The following HINT1 variants were observed in gnomAD, a reference collection of about 807,000 sequenced individuals.
HINT1 encodes adenosine 5'-monophosphoramidase HINT1.
Under a neutral mutation model 11.2 loss-of-function variants are expected in HINT1, and 12 were observed. The ratio of observed to expected loss-of-function variants is 1.07; its 90% CI spans 0.69 to 1.74. HINT1 has a LOEUF of 1.74. HINT1 is among the 40% of genes most tolerant of loss of function. The pLI is 0.00. For missense variants in HINT1, 150 were observed against 161.8 expected (o/e 0.93, Z 0.40); for synonymous variants, 42 against 52.6 (o/e 0.80, Z 0.87).
chr5:131,159,651 A>T lies in HINT1; in HGVS notation c.217-40T>A, dbSNP rs1240418077. 3 of 1,575,138 alleles carry T rather than the reference A, an allele frequency of 1.9e-6. No homozygotes were observed. In the African/African-American group the frequency reaches 4.1e-5, roughly 21 times the overall value. On this transcript the variant is annotated intron_variant, in intron 2 of 2. Coordinates refer to ENST00000304043, the MANE Select transcript of HINT1 (RefSeq NM_005340.7). Reference sequence around the variant, plus strand: ...AAAGTTTCTTAGGCACAGGCAATTTATTACTTCTTGCCATTAAATAACAAA... The same window carrying T: ...AAAGTTTCTTAGGCACAGGCAATTTTTTACTTCTTGCCATTAAATAACAAA...
chr5:131,163,263 ACT>A (rs1755303576), intron 1 of HINT1, among the ~76,000 whole-genome samples: 1 of 152,164 alleles, frequency 6.6e-6, no homozygotes, highest in Non-Finnish European at 1.5e-5. Flanking sequence ...TTTAAGAACA[ACT>A]CTGAGGCAGT....
intron 2 of HINT1, chr5:131,162,150 C>T: frequency 4.3e-6 from 2 of 463,574 alleles, no homozygotes; most frequent in East Asian, 3.6e-5. Context: ...ATGGTGAAAG[C>T]CGTCTCTACT....
chr5:131,161,338 T>C (rs1755241485), intron 2 of HINT1, among the ~76,000 whole-genome samples: 1 of 152,184 alleles, frequency 6.6e-6, no homozygotes, highest in African/African-American at 2.4e-5. Flanking sequence ...GCGTGGTGGC[T>C]GACACCTGTA....
At chr5:131,161,535 C>T (rs1218202374) in intron 2 of HINT1, among the ~76,000 whole-genome samples, 3 of 147,646 alleles carry the variant, frequency 2.0e-5, no homozygotes, top group Admixed American at 1.4e-4. Flanking sequence ...GCAGAGGTTG[C>T]GGTGAGCCGA....
At chr5:131,160,825 T>C in intron 2 of HINT1, 2 of 466,648 alleles carry the variant, frequency 4.3e-6, no homozygotes, top group South Asian at 3.1e-5. Context: ...AAAATACTCT[T>C]ACATGAGATA....
At position 131,159,317 on chromosome 5, in the gene HINT1, T is replaced by G. The variant is rs757227740; in HGVS notation, c.*130A>C. The G allele has an allele frequency of 9.0e-6, 6 of 663,206 alleles. No individual in the cohort carries two copies. Among genetic ancestry groups the G allele is most frequent in the Non-Finnish European group, 1.5e-5 (6 of 392,262 alleles). 41.1% of individuals were successfully genotyped at this position (663,206 alleles called of 1,614,324 possible). On this transcript the variant is annotated 3_prime_UTR_variant, in exon 3 of 3. Coordinates refer to ENST00000304043, the MANE Select transcript of HINT1 (RefSeq NM_005340.7). Reference sequence around the variant, plus strand: ...AGCCATGCAACAATGTCTTTTATTATGTATGCGGTTTTAAAATTATTTCTT... The same window carrying G: ...AGCCATGCAACAATGTCTTTTATTAGGTATGCGGTTTTAAAATTATTTCTT...
intron 1 of HINT1, 84 bp downstream of exon 1, chr5:131,165,011 C>G (rs1554088645): frequency 6.3e-7 from 1 of 1,583,660 alleles, no homozygotes; most frequent in South Asian, 1.1e-5. Flanking sequence ...CACTCGCGAC[C>G]CCTCCTCTCC....
intron 1 of HINT1, among the ~76,000 whole-genome samples, chr5:131,163,409 TC>T (rs1755306615): frequency 6.6e-6 from 1 of 152,042 alleles, no homozygotes; most frequent in Non-Finnish European, 1.5e-5. Flanking sequence ...TTTTCAATGA[TC>T]CTCTCCCCCT....
intron 1 of HINT1, 69 bp from the exon 2 acceptor site, chr5:131,162,745 C>T: frequency 1.0e-6 from 1 of 995,884 alleles, no homozygotes; most frequent in Non-Finnish European, 1.5e-6. Context: ...CTTATTTCAA[C>T]AAGTATTTAC....
At position 131,162,638 on chromosome 5, in the gene HINT1, T is replaced by G. The variant is rs1245451523; in HGVS notation, c.150A>C (p.Thr50=). 6.2e-7 allele frequency: 1 copy of G among 1,613,096 alleles called. No individual in the cohort carries two copies. The highest frequency in any genetic ancestry group is 8.5e-7 in the Non-Finnish European group (1 of 1,179,294). The change falls in exon 2 of 3, where the codon ACA becomes ACC. Residue 50 remains threonine (T), a synonymous_variant. Coordinates refer to ENST00000304043, the MANE Select transcript of HINT1 (RefSeq NM_005340.7). ...GTTTCTTGGGTATCACCAGAAAATGTGTTGGTGCTTGAGGGGAAATGTCAT... is the reference window on the plus strand; with the variant it reads ...GTTTCTTGGGTATCACCAGAAAATGGGTTGGTGCTTGAGGGGAAATGTCAT... ...AFHDISPQAP[T]HFLVIPKKHI...
chr5:131,164,018 C>T (rs1755322980), intron 1 of HINT1, among the ~76,000 whole-genome samples: 1 of 152,014 alleles, frequency 6.6e-6, no homozygotes, highest in Admixed American at 6.6e-5. Context: ...TTTTCTAAAA[C>T]CAAAGAATTT....
chr5:131,159,937 G>A lies in HINT1; in HGVS notation c.217-326C>T, dbSNP rs1005612559. The stretch of plus-strand genomic sequence containing the variant: ...CACGATCTCAGCTCACTGCAGCCTC[G>A]ACCTCCCAGGTTGAAGTGATCCTCC... On this transcript the variant is annotated intron_variant, in intron 2 of 2. Coordinates refer to ENST00000304043, the MANE Select transcript of HINT1 (RefSeq NM_005340.7). 1.2e-4 allele frequency among the ~76,000 whole-genome samples: 18 copies of A among 151,832 alleles called. No individual in the cohort carries two copies. The South Asian group carries it at 2.5e-3, about 21-fold the overall frequency.
chr5:131,159,537 C>A lies in HINT1; in HGVS notation c.291G>T (p.Val97=), dbSNP rs1486982847. The change falls in exon 3 of 3, where the codon GTG becomes GTT. Residue 97 remains valine, a synonymous_variant. Coordinates refer to ENST00000304043, the MANE Select transcript of HINT1 (RefSeq NM_005340.7). ...GTCCACCATCTGAACCTTCATTCACCACCATTCGATAACCCTTATTCAGGC... is the reference window on the plus strand; with the variant it reads ...GTCCACCATCTGAACCTTCATTCACAACCATTCGATAACCCTTATTCAGGC... ...DLGLNKGYRM[V]VNEGSDGGQS... is the part of the protein sequence containing the mutation. The A allele has an allele frequency of 6.2e-7, 1 of 1,613,746 alleles. No homozygotes were observed. Among genetic ancestry groups the A allele is most frequent in the Non-Finnish European group, 8.5e-7 (1 of 1,179,900 alleles).
chr5:131,161,833 G>T (rs1401796736), intron 2 of HINT1, among the ~76,000 whole-genome samples: 1 of 152,230 alleles, frequency 6.6e-6, no homozygotes, highest in East Asian at 1.9e-4. Context: ...ACCCGTGCAG[G>T]TCTACTCATA....
In HINT1 at chr5:131,159,612, C is replaced by A. The variant is rs541214751; in HGVS notation, c.217-1G>T. ...CAACAATCATTAAGTGTCCAAGAAG[C>A]TGGAAAAGGAAAAAAAGTTTCTTAG... On this transcript the variant is annotated splice_acceptor_variant, in intron 2 of 2. Transcript: ENST00000304043. LOFTEE classifies it high-confidence loss of function. The A allele has an allele frequency of 6.2e-7, 1 of 1,602,850 alleles. No homozygotes were observed. The highest frequency in any genetic ancestry group is 8.5e-7 in the Non-Finnish European group (1 of 1,174,424).
rs141195331 is a variant in HINT1 at position 131,163,419 on chromosome 5, C to T, written c.112-743G>A. Among the ~76,000 whole-genome samples the T allele has an allele frequency of 3.6e-3, 552 of 152,242 alleles. 4 individuals carry two copies. The highest frequency in any genetic ancestry group is 0.013 in the African/African-American group (536 of 41,544). ...GAGCTTTTTCAATGATCCTCTCCCC[C>T]TCCAAACCCCAACTTCCGTCTAATT... On this transcript the variant is annotated intron_variant, in intron 1 of 2. Coordinates refer to ENST00000304043, the MANE Select transcript of HINT1 (RefSeq NM_005340.7).
At chr5:131,160,296 A>G (rs79379477) in intron 2 of HINT1, among the ~76,000 whole-genome samples, 2,159 of 152,312 alleles carry the variant, frequency 0.014, 49 homozygotes, top group African/African-American at 0.05. Context: ...CGGGACTTGC[A>G]GGATCCTGTG....
intron 1 of HINT1, among the ~76,000 whole-genome samples, chr5:131,164,790 T>G (rs748808451): frequency 1.7e-3 from 262 of 152,096 alleles, no homozygotes; most frequent in Admixed American, 3.3e-3. Context: ...CCGGCGGGCT[T>G]CCACGCGGGG....
intron 1 of HINT1, among the ~76,000 whole-genome samples, chr5:131,163,414 T>A (rs1755306798): frequency 6.6e-6 from 1 of 151,970 alleles, no homozygotes; most frequent in African/African-American, 2.4e-5. Context: ...AATGATCCTC[T>A]CCCCCTCCAA....
Sources: gnomAD v4.1 joint callset for allele counts (sites outside exome capture counted in the v4.1 genomes callset) on GRCh38, gnomAD v4.1.1 for gene constraint, MANE v1.5 for transcripts, NCBI Gene and HGNC (gene_info 2026-07-23, HGNC 2026-07-21) for gene names.